Variants in TMPRSS9 observed in about 807,000 individuals in gnomAD.
TMPRSS9 encodes transmembrane serine protease 9, also known as transmembrane protease serine 9.
TMPRSS9 carries 113 observed loss-of-function variants against 111.4 expected under a neutral mutation model. The observed-to-expected ratio is 1.01, with a 90% CI of 0.87 to 1.19. TMPRSS9 has a LOEUF of 1.19. TMPRSS9 is among the 50% of genes most tolerant of loss of function. The pLI is 0.00. For synonymous variants in TMPRSS9, 805 were observed against 659.1 expected, an observed-to-expected ratio of 1.22 and a Z score of -3.39; for missense variants, 1,803 against 1,513.1, an observed-to-expected ratio of 1.19 and a Z score of -3.18.
chr19:2,408,278 C>T (rs1407385036), intron 7 of TMPRSS9, 78 bp from the exon 9 acceptor site: 5 of 1,473,416 alleles, frequency 3.4e-6, no homozygotes, highest in Admixed American at 3.7e-5. Context: ...ACATTTTGCA[C>T]CCAAGGCGAG....
intron 1 of TMPRSS9, 123 bp downstream of exon 2, chr19:2,390,050 T>A (rs976551184): frequency 7.5e-7 from 1 of 1,324,980 alleles, no homozygotes; most frequent in Admixed American, 2.0e-5. Context: ...GGCGTGGAGA[T>A]GAAGGCTGCC....
At chr19:2,384,994 AAAG>A (rs1443419022), upstream of TMPRSS9, among the ~76,000 whole-genome samples, 29 of 146,952 alleles carry the variant, frequency 2.0e-4, no homozygotes, top group Non-Finnish European at 2.8e-4. Context: ...AAAAAAAAAA[AAAG>A]AGAGAAAAGC....
chr19:2,383,911 A>T (rs916706585), intron 1 of TMPRSS9, among the ~76,000 whole-genome samples: 2 of 152,102 alleles, frequency 1.3e-5, no homozygotes, highest in Non-Finnish European at 2.9e-5. Flanking sequence ...CGGCCAAGGT[A>T]TTGCATAGAC....
chr19:2,422,527 G>A (rs868755177), intron 14 of TMPRSS9, among the ~76,000 whole-genome samples: 6 of 152,330 alleles, frequency 3.9e-5, no homozygotes, highest in Middle Eastern at 3.4e-3. Flanking sequence ...CTTGCAGTGA[G>A]CTGCATGCCA....
chr19:2,405,686 T>C (rs918292172), intron 7 of TMPRSS9, 141 bp downstream of exon 8: 7 of 905,230 alleles, frequency 7.7e-6, no homozygotes, highest in African/African-American at 5.3e-5. Flanking sequence ...GCTTTTGCTG[T>C]TGTTGAATCT....
Position 2,369,881 on chromosome 19 carries a change from G to T in TMPRSS9, c.-26+9521G>T, listed in dbSNP as rs1443490863. On this transcript the variant is annotated intron_variant, in intron 1 of 17. Coordinates refer to the TMPRSS9 transcript ENST00000649857. ...TCAGGGTCTGACAAGACTGCAGTCA[G>T]AGTGTTGGCTGGGCTGTGGTCTCAT... 3.3e-5 allele frequency among the ~76,000 whole-genome samples: 5 copies of T among 152,122 alleles called. No homozygotes were observed. In the South Asian group the frequency reaches 8.3e-4, roughly 25 times the overall value.
chr19:2,377,465 C>CT (rs1970346231), intron 1 of TMPRSS9, among the ~76,000 whole-genome samples: 1 of 91,250 alleles, frequency 1.1e-5, no homozygotes, highest in African/African-American at 5.9e-5. Flanking sequence ...CTCCCCTCTC[C>CT]CCTCTCCCCT....
rs559075625 is a variant in TMPRSS9 at position 2,377,880 on chromosome 19, T to A, written c.-25-11881T>A. Among the ~76,000 whole-genome samples, 4 of 148,522 alleles carry A rather than the reference T, an allele frequency of 2.7e-5. No homozygotes were observed. In the South Asian group the frequency reaches 8.7e-4, roughly 32 times the overall value. ...GATATGTGCCACTATGCCTGGCTAATTTTTACAATTTTTTTGCAGAGACAG... is the reference window on the plus strand; with the variant it reads ...GATATGTGCCACTATGCCTGGCTAAATTTTACAATTTTTTTGCAGAGACAG... On this transcript the variant is annotated intron_variant, in intron 1 of 17. Transcript: ENST00000649857.
At chr19:2,414,519 T>C (rs1358816467) in intron 10 of TMPRSS9, among the ~76,000 whole-genome samples, 1 of 152,026 alleles carries the variant, frequency 6.6e-6, no homozygotes, top group Non-Finnish European at 1.5e-5. Flanking sequence ...ATGACAGGTG[T>C]GAGCCACCAT....
chr19:2,375,651 A>T (rs988518258), intron 1 of TMPRSS9, among the ~76,000 whole-genome samples: 3 of 151,962 alleles, frequency 2.0e-5, no homozygotes, highest in Non-Finnish European at 4.4e-5. Flanking sequence ...TGTGTTCAGT[A>T]TGGACCAATC....
Position 2,424,140 on chromosome 19 carries a change from C to CG in TMPRSS9, c.2603dup (p.Arg869ProfsTer174), listed in dbSNP as rs755027346. ...ACCAGGATTGTGGGCGGCAGCGCAG[C>CG]GGGCCGTGGGGAGTGGCCGTGGCAG... On this transcript the variant is annotated frameshift_variant, in exon 15 of 18. Transcript: ENST00000648592. LOFTEE classifies it high-confidence loss of function. 2.8e-6 allele frequency: 4 copies of CG among 1,422,176 alleles called. No homozygotes were observed. Among genetic ancestry groups the CG allele is most frequent in the Non-Finnish European group, 3.7e-6 (4 of 1,082,274 alleles). 88.1% of individuals were successfully genotyped at this position (1,422,176 alleles called of 1,614,324 possible).
At chr19:2,425,489 G>C (rs1302586430) in exon 17 of TMPRSS9, 22 of 1,579,618 alleles carry the variant, frequency 1.4e-5, no homozygotes, top group Non-Finnish European at 1.8e-5. Context: ...GTGGACAGCT[G>C]CTCGGTGAGC....
exon 12 of TMPRSS9, chr19:2,416,688 G>C: frequency 6.2e-7 from 1 of 1,613,152 alleles, no homozygotes; most frequent in Non-Finnish European, 8.5e-7. Context: ...TCCTGGAGCT[G>C]GCCAGCCCCC....
intron 6 of TMPRSS9, 38 bp from the exon 8 acceptor site, chr19:2,405,336 C>T: frequency 3.9e-6 from 6 of 1,551,622 alleles, no homozygotes; most frequent in Non-Finnish European, 5.2e-6. Flanking sequence ...GAGGTCCTGC[C>T]TTCGTGGGGT....
intron 1 of TMPRSS9, among the ~76,000 whole-genome samples, chr19:2,373,345 C>T (rs1970305040): frequency 1.3e-5 from 2 of 152,278 alleles, no homozygotes; most frequent in South Asian, 4.1e-4. Context: ...ATTCTCATGC[C>T]TCAGCCTCCC....
intron 4 of TMPRSS9, among the ~76,000 whole-genome samples, chr19:2,400,846 C>A (rs1453901054): frequency 6.7e-6 from 1 of 150,346 alleles, no homozygotes; most frequent in Admixed American, 6.7e-5. Context: ...TGGTGGCGGG[C>A]GCCTATAATC....
chr19:2,400,693 G>A (rs2145319763), intron 4 of TMPRSS9, among the ~76,000 whole-genome samples: 1 of 152,182 alleles, frequency 6.6e-6, no homozygotes, highest in Non-Finnish European at 1.5e-5. Flanking sequence ...AAGATTTGTT[G>A]CCAGGTGTGG....
chr19:2,385,254 G>C (rs1189088342), upstream of TMPRSS9, among the ~76,000 whole-genome samples: 1 of 151,542 alleles, frequency 6.6e-6, no homozygotes, highest in Non-Finnish European at 1.5e-5. Flanking sequence ...AATCCCAGGA[G>C]GAGGGATCCC....
chr19:2,425,580 G>A, intron 17 of TMPRSS9, 87 bp downstream of exon 18: 1 of 1,400,776 alleles, frequency 7.1e-7, no homozygotes, highest in South Asian at 1.5e-5. Flanking sequence ...CACCATCCGG[G>A]AGCCACCCTC....
Sources: gnomAD v4.1 joint callset for allele counts (sites outside exome capture counted in the v4.1 genomes callset) on GRCh38, gnomAD v4.1.1 for gene constraint, MANE v1.5 for transcripts, NCBI Gene and HGNC (gene_info 2026-07-23, HGNC 2026-07-21) for gene names.